The following DSCAML1 variants were observed in gnomAD, a reference collection of about 807,000 sequenced individuals.
The protein encoded by DSCAML1 is cell adhesion molecule DSCAML1.
A neutral mutation model predicts 200.5 loss-of-function variants in DSCAML1; 38 were observed. The observed-to-expected ratio is 0.19, with a 90% CI of 0.15 to 0.25. DSCAML1 has a LOEUF of 0.25. Ranked by LOEUF, DSCAML1 falls within the 10% of genes least tolerant of loss-of-function variation. DSCAML1 has a pLI of 1.00. For missense variants in DSCAML1, 2,223 were observed against 2,858.8 expected, an observed-to-expected ratio of 0.78 and a Z score of 5.07; for synonymous variants, 1,215 against 1,165.0, an observed-to-expected ratio of 1.04 and a Z score of -0.87.
intron 11 of DSCAML1, among the ~76,000 whole-genome samples, chr11:117,496,189 C>T (rs917730208): frequency 2.6e-5 from 4 of 152,210 alleles, no homozygotes; most frequent in African/African-American, 9.6e-5. Context: ...GTGATCTTGT[C>T]TTGTTTCCTG....
chr11:117,805,014 C>T (rs1168275743), intron 1 of DSCAML1, among the ~76,000 whole-genome samples: 1 of 152,222 alleles, frequency 6.6e-6, no homozygotes, highest in Non-Finnish European at 1.5e-5. Context: ...CCATCACCCC[C>T]TCAGTAGGTA....
At chr11:117,673,773 T>A (rs180831544) in intron 3 of DSCAML1, among the ~76,000 whole-genome samples, 203 of 152,332 alleles carry the variant, frequency 1.3e-3, no homozygotes, top group Non-Finnish European at 2.4e-3. Context: ...GCCCCAGCTG[T>A]GCGTGTGCAC....
At chr11:117,620,466 G>A (rs2051906003) in intron 3 of DSCAML1, among the ~76,000 whole-genome samples, 1 of 152,086 alleles carries the variant, frequency 6.6e-6, no homozygotes, top group Non-Finnish European at 1.5e-5. Context: ...CCAACCAACT[G>A]CTCCACTTAA....
chr11:117,730,897 G>A (rs970882605), intron 3 of DSCAML1, among the ~76,000 whole-genome samples: 18 of 152,068 alleles, frequency 1.2e-4, no homozygotes, highest in African/African-American at 2.4e-4. Context: ...GAAAAAAGCC[G>A]GACACAAAAG....
intron 3 of DSCAML1, among the ~76,000 whole-genome samples, chr11:117,595,593 G>A (rs2051349521): frequency 1.3e-5 from 2 of 152,214 alleles, no homozygotes; most frequent in Non-Finnish European, 1.5e-5. Flanking sequence ...AGAACAGGAA[G>A]GTGCCAGGGC....
intron 1 of DSCAML1, among the ~76,000 whole-genome samples, chr11:117,811,818 G>C (rs1254301828): frequency 1.3e-5 from 2 of 152,144 alleles, no homozygotes; most frequent in Non-Finnish European, 2.9e-5. Flanking sequence ...CTCTCACAGT[G>C]GAGTGTAAGT....
At chr11:117,600,077 G>T (rs944094072) in intron 3 of DSCAML1, among the ~76,000 whole-genome samples, 1 of 152,210 alleles carries the variant, frequency 6.6e-6, no homozygotes, top group Admixed American at 6.5e-5. Context: ...ACATGGTAGA[G>T]GTATGGCGAG....
intron 1 of DSCAML1, among the ~76,000 whole-genome samples, chr11:117,783,271 T>C (rs2055294816): frequency 6.6e-6 from 1 of 152,180 alleles, no homozygotes; most frequent in African/African-American, 2.4e-5. Flanking sequence ...GGCAGCTTCA[T>C]GGATTTGGGA....
At chr11:117,701,102 C>G (rs559293862) in intron 3 of DSCAML1, among the ~76,000 whole-genome samples, 1 of 152,182 alleles carries the variant, frequency 6.6e-6, no homozygotes, top group East Asian at 1.9e-4. Context: ...CCTGTCTCCA[C>G]TAAAAATACA....
intron 3 of DSCAML1, among the ~76,000 whole-genome samples, chr11:117,578,883 T>C (rs570101088): frequency 1.2e-4 from 19 of 152,254 alleles, no homozygotes; most frequent in African/African-American, 3.1e-4. Context: ...GTGATCATGT[T>C]CAGCACAGAA....
chr11:117,690,031 T>C (rs1565876313), intron 3 of DSCAML1, among the ~76,000 whole-genome samples: 1 of 152,144 alleles, frequency 6.6e-6, no homozygotes, highest in Non-Finnish European at 1.5e-5. Context: ...GCCGCCAGCA[T>C]GCTCCCAGCA....
intron 3 of DSCAML1, among the ~76,000 whole-genome samples, chr11:117,626,130 AC>A (rs1026046133): frequency 5.9e-5 from 9 of 151,748 alleles, no homozygotes; most frequent in Admixed American, 2.6e-4. Context: ...ATACCCTCAT[AC>A]CAGAGCTCCA....
chr11:117,436,264 C>G (rs1298197028), intron 26 of DSCAML1, among the ~76,000 whole-genome samples: 1 of 152,152 alleles, frequency 6.6e-6, no homozygotes, highest in East Asian at 1.9e-4. Context: ...CTCACCCCTC[C>G]TGGGGGCCAT....
At chr11:117,626,700 C>A (rs2052054325) in intron 3 of DSCAML1, among the ~76,000 whole-genome samples, 1 of 152,202 alleles carries the variant, frequency 6.6e-6, no homozygotes, top group Non-Finnish European at 1.5e-5. Context: ...TTCCCATCAT[C>A]ATTGCAGGCA....
chr11:117,650,684 T>TG (rs1294594596), intron 3 of DSCAML1, among the ~76,000 whole-genome samples: 2 of 138,452 alleles, frequency 1.4e-5, no homozygotes, highest in Non-Finnish European at 1.6e-5. Flanking sequence ...TGTGTGTGTG[T>TG]GTGTGTGTGT....
At chr11:117,637,492 C>G (rs1402916851) in intron 3 of DSCAML1, among the ~76,000 whole-genome samples, 1 of 151,924 alleles carries the variant, frequency 6.6e-6, no homozygotes, top group Non-Finnish European at 1.5e-5. Flanking sequence ...ATTACAGGCA[C>G]CCACCACCAT....
chr11:117,802,960 A>G (rs543113680), intron 1 of DSCAML1, among the ~76,000 whole-genome samples: 6 of 152,122 alleles, frequency 3.9e-5, no homozygotes, highest in East Asian at 3.9e-4. Context: ...ATGTGTTCAC[A>G]TGGTCAGATA....
At chr11:117,808,297 CTA>C (rs1234607360) in intron 1 of DSCAML1, among the ~76,000 whole-genome samples, 3 of 152,220 alleles carry the variant, frequency 2.0e-5, no homozygotes, top group African/African-American at 7.2e-5. Context: ...CCTTCGGACT[CTA>C]TATTCTGGGC....
rs1565280850 is a variant in DSCAML1, at chr11:117,780,256, G to GAAAGAAAGAA, written c.364+227_364+236dup. The stretch of plus-strand genomic sequence containing the variant: ...GGAAAGAAAGAAAGAAAGAAAGAAA[G>GAAAGAAAGAA]AAAGAAAGAAAGAAAGAAAGAAAGA... On this transcript the variant is annotated intron_variant, in intron 2 of 32. Coordinates refer to ENST00000651296, the MANE Select transcript of DSCAML1 (RefSeq NM_020693.4). The surrounding 1 kb of genome is among the most constrained non-coding windows in gnomAD (Gnocchi z 4.8). 1.4e-3 allele frequency among the ~76,000 whole-genome samples: 102 copies of GAAAGAAAGAA among 70,716 alleles called. 2 individuals are homozygous for GAAAGAAAGAA. The highest frequency in any genetic ancestry group is 4.5e-3 in the African/African-American group (90 of 19,868). 46.4% of individuals were successfully genotyped at this position (70,716 alleles called of 152,430 possible). A position where few individuals can be genotyped will look rare whatever the true frequency, so the allele number is the denominator to read the frequency against.
Sources: gnomAD v4.1 joint callset for allele counts (sites outside exome capture counted in the v4.1 genomes callset) on GRCh38, gnomAD v4.1.1 for gene constraint, Gnocchi (gnomAD v3.1) non-coding constraint, MANE v1.5 for transcripts, NCBI Gene and HGNC (gene_info 2026-07-23, HGNC 2026-07-21) for gene names.